VWC2L: variants seen among roughly 807,000 people sequenced by gnomAD.
The protein encoded by VWC2L is von Willebrand factor C domain-containing protein 2-like.
Under a neutral mutation model 21.6 loss-of-function variants are expected in VWC2L, and 10 were observed. The observed-to-expected ratio is 0.46, with a 90% CI of 0.29 to 0.78. The LOEUF (loss-of-function observed/expected upper bound fraction) is 0.78. VWC2L is among the 30% of genes least tolerant of loss of function. The pLI, the probability that VWC2L is intolerant of heterozygous loss-of-function variation, is 0.10. For synonymous variants in VWC2L, 96 were observed against 94.3 expected, an observed-to-expected ratio of 1.02 and a Z score of -0.10; for missense variants, 209 against 277.1, an observed-to-expected ratio of 0.75 and a Z score of 1.74.
intron 3 of VWC2L, among the ~76,000 whole-genome samples, chr2:214,445,890 T>A (rs1369295542): frequency 6.6e-6 from 1 of 152,138 alleles, no homozygotes; most frequent in Non-Finnish European, 1.5e-5. Context: ...ATCAACTAAT[T>A]AACCAACTAA....
At chr2:214,484,046 G>A (rs1203360631) in intron 3 of VWC2L, among the ~76,000 whole-genome samples, 3 of 152,040 alleles carry the variant, frequency 2.0e-5, no homozygotes, top group Non-Finnish European at 4.4e-5. Flanking sequence ...GTGTTCCTTG[G>A]CTTGCAGATT....
At chr2:214,567,765 C>G (rs1356213323) in intron 3 of VWC2L, among the ~76,000 whole-genome samples, 2 of 152,104 alleles carry the variant, frequency 1.3e-5, no homozygotes, top group African/African-American at 4.8e-5. Context: ...GTATCCCACC[C>G]CACGCACTTA....
chr2:214,504,017 G>C (rs1688932859), intron 3 of VWC2L, among the ~76,000 whole-genome samples: 1 of 152,138 alleles, frequency 6.6e-6, no homozygotes, highest in African/African-American at 2.4e-5. Context: ...GCTAAAACAA[G>C]ATGTATCAGG....
intron 3 of VWC2L, among the ~76,000 whole-genome samples, chr2:214,524,207 T>C (rs1689290674): frequency 6.6e-6 from 1 of 152,226 alleles, no homozygotes. Flanking sequence ...TTTACCCCTC[T>C]TCATTTGTAC....
At chr2:214,540,320 C>T (rs918934335) in intron 3 of VWC2L, among the ~76,000 whole-genome samples, 2 of 152,038 alleles carry the variant, frequency 1.3e-5, no homozygotes, top group African/African-American at 2.4e-5. Context: ...ACAGAGCACC[C>T]CATTTTAAAA....
chr2:214,421,477 T>C (rs968629532), intron 2 of VWC2L, among the ~76,000 whole-genome samples: 1 of 152,202 alleles, frequency 6.6e-6, no homozygotes, highest in African/African-American at 2.4e-5. Flanking sequence ...GTCCTTCATA[T>C]TGGAAGATGC....
intron 2 of VWC2L, among the ~76,000 whole-genome samples, chr2:214,434,745 A>G (rs1194104739): frequency 6.6e-6 from 1 of 152,242 alleles, no homozygotes; most frequent in East Asian, 1.9e-4. Context: ...CTTCCTCATC[A>G]GTGTTGGGAA....
At chr2:214,508,570 C>G (rs1689003746) in intron 3 of VWC2L, among the ~76,000 whole-genome samples, 1 of 152,154 alleles carries the variant, frequency 6.6e-6, no homozygotes, top group African/African-American at 2.4e-5. Context: ...TTACATTTTC[C>G]TTCCTGTGTA....
chr2:214,575,034 T>TAAAA (rs3046806), intron 3 of VWC2L, among the ~76,000 whole-genome samples: 28 of 118,442 alleles, frequency 2.4e-4, no homozygotes, highest in African/African-American at 7.7e-4. Context: ...GGTCATTCTT[T>TAAAA]AAAAAAAAAA....
chr2:214,493,241 G>A (rs1164696701), intron 3 of VWC2L, among the ~76,000 whole-genome samples: 2 of 152,138 alleles, frequency 1.3e-5, no homozygotes, highest in Non-Finnish European at 2.9e-5. Flanking sequence ...TGGCTTCTGA[G>A]AAGCAAGGTT....
chr2:214,549,141 T>A (rs1360655755), intron 3 of VWC2L, among the ~76,000 whole-genome samples: 2 of 152,326 alleles, frequency 1.3e-5, no homozygotes, highest in East Asian at 3.9e-4. Context: ...CTTCCTCTGA[T>A]CCACCTGCGC....
At chr2:214,449,951 G>A (rs1000922123) in intron 3 of VWC2L, among the ~76,000 whole-genome samples, 4 of 152,060 alleles carry the variant, frequency 2.6e-5, no homozygotes, top group Non-Finnish European at 5.9e-5. Flanking sequence ...GGCTAAGCTC[G>A]GTTACTTTCC....
Position 214,555,171 on chromosome 2 carries a change from T to C in VWC2L, c.521-20501T>C, listed in dbSNP as rs73074673. ...GGAAGAGTGTAACCCTTTCTACCAA[T>C]TGCCATCAGAAAATCTTTGAATCCA... is the stretch of plus-strand genomic sequence containing the variant. On this transcript the variant is annotated intron_variant, in intron 3 of 3. Transcript: ENST00000312504. Among the ~76,000 whole-genome samples, 1,307 of 152,316 alleles carry C rather than the reference T, an allele frequency of 8.6e-3. 20 individuals are homozygous for C. Among genetic ancestry groups the C allele is most frequent in the African/African-American group, 0.03 (1,247 of 41,584 alleles).
At chr2:214,465,844 C>T (rs4673828) in intron 3 of VWC2L, among the ~76,000 whole-genome samples, 31,892 of 152,052 alleles carry the variant, frequency 0.21, 3,568 homozygotes, top group Admixed American at 0.24. Flanking sequence ...TAAATGCTTC[C>T]TCTGTGGAAT....
chr2:214,573,446 C>T (rs1244250479), intron 3 of VWC2L, among the ~76,000 whole-genome samples: 3 of 152,162 alleles, frequency 2.0e-5, no homozygotes, highest in Non-Finnish European at 4.4e-5. Context: ...GGTAAACAGA[C>T]TTGGTTACAA....
At chr2:214,466,571 G>A (rs1403396668) in intron 3 of VWC2L, among the ~76,000 whole-genome samples, 1 of 152,144 alleles carries the variant, frequency 6.6e-6, no homozygotes, top group Non-Finnish European at 1.5e-5. Flanking sequence ...ACTTGACTTT[G>A]AAAACCCCAA....
In VWC2L at chr2:214,565,175, C is replaced by G. The variant is rs146333907; in HGVS notation, c.521-10497C>G. On this transcript the variant is annotated intron_variant, in intron 3 of 3. Coordinates refer to ENST00000312504, the MANE Select transcript of VWC2L (RefSeq NM_001080500.4). ...GTACCATAATTCAGTATTTCTGTGACTGGCAGGCATTCACATTTTTTCTCA... is the reference window on the plus strand; with the variant it reads ...GTACCATAATTCAGTATTTCTGTGAGTGGCAGGCATTCACATTTTTTCTCA... Among the ~76,000 whole-genome samples the G allele has an allele frequency of 2.9e-3, 443 of 152,228 alleles. 1 individual carries two copies. Among genetic ancestry groups the G allele is most frequent in the Middle Eastern group, 0.01 (3 of 294 alleles).
At chr2:214,550,415 T>C (rs566935785) in intron 3 of VWC2L, among the ~76,000 whole-genome samples, 110 of 152,244 alleles carry the variant, frequency 7.2e-4, no homozygotes, top group Non-Finnish European at 1.4e-3. Flanking sequence ...TTCATTCTTT[T>C]ATTTCTAATG....
chr2:214,469,610 T>C (rs181496097), intron 3 of VWC2L, among the ~76,000 whole-genome samples: 129 of 151,576 alleles, frequency 8.5e-4, no homozygotes, highest in South Asian at 4.2e-3. Flanking sequence ...AAAAAAATCA[T>C]GGGTACACTA....
Sources: gnomAD v4.1 joint callset for allele counts (sites outside exome capture counted in the v4.1 genomes callset) on GRCh38, gnomAD v4.1.1 for gene constraint, MANE v1.5 for transcripts, NCBI Gene and HGNC (gene_info 2026-07-23, HGNC 2026-07-21) for gene names.